PAM: variants seen among roughly 807,000 people sequenced by gnomAD.
The protein encoded by PAM is peptidyl-glycine alpha-amidating monooxygenase.
PAM carries 72 observed loss-of-function variants against 122.1 expected under a neutral mutation model. That is an observed-to-expected ratio of 0.59 (90% CI 0.49 to 0.72). PAM has a LOEUF of 0.72. PAM is among the 30% of genes least tolerant of loss of function. The pLI is 0.00. For missense variants in PAM, 1,106 were observed against 1,183.7 expected, an observed-to-expected ratio of 0.93 and a Z score of 0.96; for synonymous variants, 389 against 404.4, an observed-to-expected ratio of 0.96 and a Z score of 0.46.
intron 3 of PAM, among the ~76,000 whole-genome samples, chr5:102,890,225 T>C (rs2151262163): frequency 6.6e-6 from 1 of 152,020 alleles, no homozygotes; most frequent in African/African-American, 2.4e-5. Flanking sequence ...GAATGTTTCA[T>C]AGATGGTGGT....
At chr5:102,831,872 T>C (rs542677090) in intron 1 of PAM, among the ~76,000 whole-genome samples, 46 of 148,780 alleles carry the variant, frequency 3.1e-4, no homozygotes, top group Admixed American at 1.2e-3. Flanking sequence ...GGAACTAGTC[T>C]TCTCTCTCTC....
intron 1 of PAM, among the ~76,000 whole-genome samples, chr5:102,780,984 A>G (rs188271670): frequency 5.6e-4 from 85 of 151,810 alleles, no homozygotes; most frequent in Non-Finnish European, 9.7e-4. Flanking sequence ...GTACTCCTCA[A>G]GTTGTGATAA....
At chr5:102,817,489 T>A (rs1561527278) in intron 1 of PAM, among the ~76,000 whole-genome samples, 3 of 152,180 alleles carry the variant, frequency 2.0e-5, no homozygotes, top group Non-Finnish European at 4.4e-5. Context: ...AATAATATTT[T>A]GGTTATATTA....
intron 16 of PAM, among the ~76,000 whole-genome samples, chr5:102,999,799 C>A (rs1247857554): frequency 6.6e-6 from 1 of 152,224 alleles, no homozygotes; most frequent in African/African-American, 2.4e-5. Flanking sequence ...ACACAAGGCA[C>A]CAAGTCCTGA....
At chr5:102,802,089 A>G (rs1764933757) in intron 1 of PAM, among the ~76,000 whole-genome samples, 1 of 152,142 alleles carries the variant, frequency 6.6e-6, no homozygotes, top group Admixed American at 6.5e-5. Flanking sequence ...GGCCGGGAAA[A>G]GGTATTTTAA....
At chr5:102,818,773 C>T (rs1428370678) in intron 1 of PAM, among the ~76,000 whole-genome samples, 1 of 152,096 alleles carries the variant, frequency 6.6e-6, no homozygotes, top group African/African-American at 2.4e-5. Context: ...GACTCAGATC[C>T]TTCAGAGCAG....
At chr5:103,011,192 C>G (rs374465664) in intron 21 of PAM, among the ~76,000 whole-genome samples, 56 of 152,306 alleles carry the variant, frequency 3.7e-4, no homozygotes, top group African/African-American at 1.3e-3. Context: ...TGGAGAGCCA[C>G]GTCTGTGACC....
rs77190936 is a variant in PAM, at chr5:102,959,920, C to T, written c.951C>T (p.Tyr317=). Residue 317 remains tyrosine (Y), a synonymous_variant, in exon 13 of 26, where the codon TAC becomes TAT. Transcript: ENST00000438793. ...DEMCNLYIMY[Y]MEAKHAVSFM... ...TGTGCAACTTATACATTATGTATTA[C>T]ATGGAAGCCAAGCATGCAGTTTCTT... 1.4e-5 allele frequency: 22 copies of T among 1,612,270 alleles called. No individual in the cohort carries two copies. In the East Asian group the frequency reaches 4.9e-4, roughly 36 times the overall value.
Position 102,982,536 on chromosome 5 carries a change from T to C in PAM, c.1484-7736T>C, listed in dbSNP as rs557775121. ...GGGGCCCAAGGATCAACCCACCTTGTGTCCTTGTCCTCAGCAAAGCCTCCT... is the reference window on the plus strand; with the variant it reads ...GGGGCCCAAGGATCAACCCACCTTGCGTCCTTGTCCTCAGCAAAGCCTCCT... On this transcript the variant is annotated intron_variant, in intron 15 of 25. Transcript: ENST00000438793. 1.2e-4 allele frequency among the ~76,000 whole-genome samples: 18 copies of C among 152,310 alleles called. No homozygotes were observed. The South Asian group carries it at 2.7e-3, about 23-fold the overall frequency.
At chr5:102,836,907 T>C (rs753952460) in intron 1 of PAM, among the ~76,000 whole-genome samples, 5 of 94,290 alleles carry the variant, frequency 5.3e-5, no homozygotes, top group Non-Finnish European at 9.8e-5. Flanking sequence ...AGGTGCAAAA[T>C]TGTGTGTATT....
chr5:102,881,137 C>CACACACACACACACAT (rs1554098762), intron 3 of PAM, among the ~76,000 whole-genome samples: 3,520 of 151,400 alleles, frequency 0.023, 159 homozygotes, highest in African/African-American at 0.08. Flanking sequence ...CATACACACA[C>CACACACACACACACAT]ACACACACAC....
intron 1 of PAM, among the ~76,000 whole-genome samples, chr5:102,829,466 G>A (rs976019225): frequency 4.7e-5 from 7 of 147,424 alleles, no homozygotes; most frequent in East Asian, 2.1e-4. Context: ...CCGCCTCCCC[G>A]GCTCACACCA....
chr5:102,964,800 AT>A (rs1244474857), intron 14 of PAM, among the ~76,000 whole-genome samples: 1 of 151,866 alleles, frequency 6.6e-6, no homozygotes, highest in African/African-American at 2.4e-5. Flanking sequence ...TTTTTAAAAA[AT>A]ATACCTTGAA....
chr5:103,015,232 G>A (rs1028423862), intron 21 of PAM, among the ~76,000 whole-genome samples: 3 of 152,128 alleles, frequency 2.0e-5, no homozygotes, highest in Non-Finnish European at 4.4e-5. Flanking sequence ...CATAAACATT[G>A]TGCAACTTAG....
At chr5:103,005,844 AC>A (rs1554170134) in intron 18 of PAM, among the ~76,000 whole-genome samples, 1 of 152,168 alleles carries the variant, frequency 6.6e-6, no homozygotes, top group Non-Finnish European at 1.5e-5. Context: ...TCAAATAACT[AC>A]ATGGGCCCTC....
intron 1 of PAM, among the ~76,000 whole-genome samples, chr5:102,780,749 CTTTCTCTT>C (rs1470128687): frequency 2.3e-3 from 337 of 149,176 alleles, no homozygotes; most frequent in East Asian, 5.6e-3. Context: ...CTTTTTCTTT[CTTTCTCTT>C]TCTTTCTTTC....
chr5:102,980,442 C>G (rs1769369708), intron 15 of PAM, among the ~76,000 whole-genome samples: 2 of 151,994 alleles, frequency 1.3e-5, no homozygotes. Context: ...ATAATTATCC[C>G]TGAAATTGAG....
chr5:102,959,767 T>C, intron 12 of PAM, 108 bp from the exon 13 acceptor site: 1 of 681,888 alleles, frequency 1.5e-6, no homozygotes, highest in Non-Finnish European at 2.6e-6. Flanking sequence ...TGCACAATAT[T>C]TCTACCTTTG....
intron 8 of PAM, 152 bp from the exon 9 acceptor site, chr5:102,948,226 T>G: frequency 1.9e-6 from 1 of 531,796 alleles, no homozygotes. Flanking sequence ...AAAAAGTATT[T>G]TTTAAGGAAG....
Sources: allele counts gnomAD v4.1 joint callset (sites outside exome capture counted in the v4.1 genomes callset), GRCh38; gene constraint gnomAD v4.1.1; transcripts MANE v1.5; gene names NCBI Gene and HGNC (gene_info 2026-07-23, HGNC 2026-07-21).